The following SCN11A variants were observed in gnomAD, a reference collection of about 807,000 sequenced individuals.
SCN11A encodes the protein sodium channel protein type 11 subunit alpha.
Under a neutral mutation model 162.2 loss-of-function variants are expected in SCN11A, and 122 were observed. The observed-to-expected ratio is 0.75, with a 90% CI of 0.65 to 0.87. SCN11A has a LOEUF of 0.87. Among genes scored for constraint, SCN11A ranks in the 40% least tolerant of loss-of-function variants. The pLI is 0.00. For missense variants in SCN11A, 2,015 were observed against 2,181.6 expected, an observed-to-expected ratio of 0.92 and a Z score of 1.52; for synonymous variants, 758 against 751.5, an observed-to-expected ratio of 1.01 and a Z score of -0.14.
At chr3:38,979,777 A>G (rs1480123687) in intron 2 of SCN11A, among the ~76,000 whole-genome samples, 2 of 152,140 alleles carry the variant, frequency 1.3e-5, no homozygotes, top group Non-Finnish European at 2.9e-5. Flanking sequence ...TGTCTTCTCT[A>G]ATGGATTCTC....
rs114641145 is a variant in SCN11A at position 38,853,803 on chromosome 3, A to G, written c.4057-3052T>C. Reference sequence around the variant, plus strand: ...TCAGCCTCCACTGACCTGCTCTGCTATGGAGCATTCAAACTCACTTGTCAG... The same window carrying G: ...TCAGCCTCCACTGACCTGCTCTGCTGTGGAGCATTCAAACTCACTTGTCAG... On this transcript the variant is annotated intron_variant, in intron 28 of 29. Transcript: ENST00000302328. Among the ~76,000 whole-genome samples the G allele has an allele frequency of 9.0e-3, 1,369 of 152,288 alleles. 28 individuals carry two copies. Among genetic ancestry groups the G allele is most frequent in the African/African-American group, 0.031 (1,302 of 41,550 alleles).
chr3:38,906,374 C>T (rs1204801089), intron 14 of SCN11A, among the ~76,000 whole-genome samples: 1 of 152,074 alleles, frequency 6.6e-6, no homozygotes, highest in East Asian at 1.9e-4. Context: ...CATTTCTGCA[C>T]ATCACGCTGC....
At chr3:38,960,595 A>G (rs975752064) in intron 2 of SCN11A, among the ~76,000 whole-genome samples, 172 bp from the exon 3 acceptor site, 2 of 152,244 alleles carry the variant, frequency 1.3e-5, no homozygotes, top group Admixed American at 1.3e-4. Context: ...AGCATCATTA[A>G]TAAAGAAACA....
intron 2 of SCN11A, among the ~76,000 whole-genome samples, chr3:39,005,439 G>C (rs1447396046): frequency 6.6e-6 from 1 of 152,170 alleles, no homozygotes; most frequent in Non-Finnish European, 1.5e-5. Flanking sequence ...GCTATCTCAG[G>C]GACCAACCTC....
At chr3:39,014,034 T>C (rs1235247094) in intron 2 of SCN11A, among the ~76,000 whole-genome samples, 1 of 152,240 alleles carries the variant, frequency 6.6e-6, no homozygotes, top group Non-Finnish European at 1.5e-5. Flanking sequence ...ACCCATTCCA[T>C]AATACCTTTG....
intron 2 of SCN11A, among the ~76,000 whole-genome samples, chr3:38,992,757 T>C (rs1458289698): frequency 6.6e-6 from 1 of 152,196 alleles, no homozygotes; most frequent in Non-Finnish European, 1.5e-5. Flanking sequence ...CACAGATAGG[T>C]CAAGTAACTT....
At position 38,896,854 on chromosome 3, in the gene SCN11A, T is replaced by G; in HGVS notation, c.2394A>C (p.Gly798=). 1 of 1,546,232 alleles carries G rather than the reference T, an allele frequency of 6.5e-7. No homozygotes were observed. ...VIVFILITVI[G]KLVVLNLFIA... is the part of the protein sequence containing the mutation. ...AATCTAAGACACATACCACAAGTTT[T>G]CCTATCACCGTGATCAATATGAAGA... The change falls in exon 18 of 30, where the codon GGA becomes GGC. Residue 798 remains glycine, a synonymous_variant. Transcript: ENST00000302328.
At chr3:38,983,127 C>G (rs1036154556) in intron 2 of SCN11A, among the ~76,000 whole-genome samples, 2 of 152,160 alleles carry the variant, frequency 1.3e-5, no homozygotes, top group Non-Finnish European at 2.9e-5. Flanking sequence ...GACCTCACCA[C>G]TCTTCTTACT....
chr3:38,867,251 AATT>A (rs2065054853), intron 27 of SCN11A, 67 bp downstream of exon 27: 1 of 1,438,646 alleles, frequency 7.0e-7, no homozygotes, highest in African/African-American at 1.4e-5. Flanking sequence ...TCTAGGCCAG[AATT>A]ATGTTTTGTT....
chr3:39,043,342 A>G (rs888550924), intron 1 of SCN11A, among the ~76,000 whole-genome samples: 5 of 152,224 alleles, frequency 3.3e-5, no homozygotes, highest in African/African-American at 9.7e-5. Context: ...TGAAATCAGT[A>G]TATCAAAGAG....
chr3:39,051,275 C>T (rs2125622449), intron 1 of SCN11A, among the ~76,000 whole-genome samples: 1 of 152,200 alleles, frequency 6.6e-6, no homozygotes, highest in East Asian at 1.9e-4. Context: ...CGCCCTCCTC[C>T]CACCCTCCAC....
chr3:38,994,431 T>C (rs1042246740), intron 2 of SCN11A, among the ~76,000 whole-genome samples: 1 of 152,180 alleles, frequency 6.6e-6, no homozygotes, highest in African/African-American at 2.4e-5. Context: ...TAAAACTGTT[T>C]CCAAGACTCT....
At chr3:38,927,135 T>C (rs1388041423) in intron 7 of SCN11A, among the ~76,000 whole-genome samples, 1 of 152,096 alleles carries the variant, frequency 6.6e-6, no homozygotes, top group Non-Finnish European at 1.5e-5. Flanking sequence ...GGCCCAGAGA[T>C]AAATTGTGAA....
chr3:39,027,775 C>G (rs2031628579), intron 2 of SCN11A, among the ~76,000 whole-genome samples: 1 of 152,170 alleles, frequency 6.6e-6, no homozygotes, highest in Non-Finnish European at 1.5e-5. Context: ...CTGGAACTAG[C>G]AGATGATTAA....
chr3:38,960,178 A>T (rs1399255847), intron 3 of SCN11A, among the ~76,000 whole-genome samples, 105 bp downstream of exon 3: 1 of 152,054 alleles, frequency 6.6e-6, no homozygotes, highest in Non-Finnish European at 1.5e-5. Context: ...AATAATCACA[A>T]AAGGCCTGTA....
intron 2 of SCN11A, among the ~76,000 whole-genome samples, chr3:39,005,456 T>C (rs964719782): frequency 1.3e-5 from 2 of 152,168 alleles, no homozygotes; most frequent in African/African-American, 4.8e-5. Context: ...CCTCTTTCCT[T>C]TCCTACCTCT....
chr3:38,884,699 G>T lies in SCN11A; in HGVS notation c.3064+589C>A, dbSNP rs148510921. Among the ~76,000 whole-genome samples the T allele has an allele frequency of 5.9e-5, 9 of 152,270 alleles. No individual in the cohort carries two copies. The East Asian group carries it at 1.7e-3, about 29-fold the overall frequency. On this transcript the variant is annotated intron_variant, in intron 21 of 29. Transcript: ENST00000302328. Reference sequence around the variant, plus strand: ...GCCACTATATCCACTCAAGGAATTAGGAAAGCCTGCATTTATTGATTGCTT... The same window carrying T: ...GCCACTATATCCACTCAAGGAATTATGAAAGCCTGCATTTATTGATTGCTT...
chr3:38,958,362 C>A (rs571370111), intron 3 of SCN11A, among the ~76,000 whole-genome samples: 2 of 152,380 alleles, frequency 1.3e-5, no homozygotes, highest in East Asian at 1.9e-4. Context: ...TCGCACCTCC[C>A]TTCCCTTGCC....
chr3:38,882,880 G>C (rs1240464325), intron 22 of SCN11A, among the ~76,000 whole-genome samples: 1 of 152,154 alleles, frequency 6.6e-6, no homozygotes, highest in African/African-American at 2.4e-5. Flanking sequence ...TATGGTAACA[G>C]GGAGAGTAGA....
Sources: allele counts gnomAD v4.1 joint callset (sites outside exome capture counted in the v4.1 genomes callset), GRCh38; gene constraint gnomAD v4.1.1; transcripts MANE v1.5; gene names NCBI Gene and HGNC (gene_info 2026-07-23, HGNC 2026-07-21).